Variants in BMPR1A observed in about 807,000 individuals in gnomAD.
BMPR1A encodes the protein bone morphogenetic protein receptor type 1A.
A neutral mutation model predicts 66.0 loss-of-function variants in BMPR1A; 7 were observed. That is an observed-to-expected ratio of 0.11 (90% CI 0.06 to 0.20). The LOEUF is 0.20. Among genes scored for constraint, BMPR1A ranks in the 10% least tolerant of loss-of-function variants. The probability of loss-of-function intolerance (pLI) is 1.00; values close to 1 mark genes in which losing one functional copy is unlikely to be tolerated. For missense variants in BMPR1A, 408 were observed against 669.1 expected, an observed-to-expected ratio of 0.61 and a Z score of 4.31; for synonymous variants, 200 against 229.7, an observed-to-expected ratio of 0.87 and a Z score of 1.17.
At chr10:86,913,157 C>T (rs571559199) in intron 8 of BMPR1A, among the ~76,000 whole-genome samples, 1 of 152,164 alleles carries the variant, frequency 6.6e-6, no homozygotes, top group South Asian at 2.1e-4. Context: ...GATAGTCTTG[C>T]TCTGTCACCC....
At chr10:86,759,400 GTTTT>G (rs1840990856) in intron 1 of BMPR1A, among the ~76,000 whole-genome samples, 1 of 152,030 alleles carries the variant, frequency 6.6e-6, no homozygotes, top group African/African-American at 2.4e-5. Context: ...TCTGAATCAC[GTTTT>G]TTTGTTTGTT....
chr10:86,784,830 C>CT (rs1296689489), intron 1 of BMPR1A, among the ~76,000 whole-genome samples: 3 of 151,934 alleles, frequency 2.0e-5, no homozygotes, highest in African/African-American at 7.2e-5. Context: ...CTTTTCATTT[C>CT]TGTGGCATTT....
At chr10:86,779,265 G>A (rs1841400206) in intron 1 of BMPR1A, among the ~76,000 whole-genome samples, 1 of 152,214 alleles carries the variant, frequency 6.6e-6, no homozygotes, top group African/African-American at 2.4e-5. Flanking sequence ...GTAGTGGAAT[G>A]CTGGATCATA....
intron 1 of BMPR1A, among the ~76,000 whole-genome samples, chr10:86,774,149 C>T (rs1245528639): frequency 6.6e-6 from 1 of 152,040 alleles, no homozygotes; most frequent in Non-Finnish European, 1.5e-5. Context: ...CGCGCCCAGC[C>T]TTTAATTCAT....
chr10:86,795,051 A>G (rs1043442697), intron 1 of BMPR1A, among the ~76,000 whole-genome samples: 6 of 151,820 alleles, frequency 4.0e-5, no homozygotes, highest in Non-Finnish European at 7.4e-5. Flanking sequence ...GGGTTTCTCC[A>G]TGTTGGTCAG....
Position 86,906,459 on chromosome 10 carries a change from C to A in BMPR1A, c.531-5781C>A, listed in dbSNP as rs1322935126. ...TTTTGGCTGGGCGCGGTGGCTCACG[C>A]CTGTAATCCCAGCACTTTGGGAGGC... On this transcript the variant is annotated intron_variant, in intron 7 of 12. Coordinates refer to ENST00000372037, the MANE Select transcript of BMPR1A (RefSeq NM_004329.3). Among the ~76,000 whole-genome samples, 22 of 40,858 alleles carry A rather than the reference C, an allele frequency of 5.4e-4. 7 individuals are homozygous for A. The highest frequency in any genetic ancestry group is 4.1e-3 in the Admixed American group (22 of 5,352). 26.8% of individuals were successfully genotyped at this position (40,858 alleles called of 152,430 possible). A position where few individuals can be genotyped will look rare whatever the true frequency, so the allele number is the denominator to read the frequency against.
Position 86,816,641 on chromosome 10 carries a change from T to G in BMPR1A, c.-267-22224T>G, listed in dbSNP as rs1387555329. Among the ~76,000 whole-genome samples the G allele has an allele frequency of 2.0e-5, 3 of 152,352 alleles. No homozygotes were observed. In the South Asian group the frequency reaches 6.2e-4, roughly 32 times the overall value. On this transcript the variant is annotated intron_variant, in intron 1 of 12. Coordinates refer to ENST00000372037, the MANE Select transcript of BMPR1A (RefSeq NM_004329.3). ...CCACTTGTTTGCAGAGCACTGACAA[T>G]TGGAGTTATACACTTCACCTAGGAG...
At chr10:86,858,162 A>G (rs1306487719) in intron 2 of BMPR1A, among the ~76,000 whole-genome samples, 1 of 152,230 alleles carries the variant, frequency 6.6e-6, no homozygotes, top group Non-Finnish European at 1.5e-5. Context: ...CTCTGTGCTC[A>G]TATCACTAGA....
chr10:86,766,825 GTTT>G (rs1163287108), intron 1 of BMPR1A, among the ~76,000 whole-genome samples: 6 of 134,096 alleles, frequency 4.5e-5, no homozygotes, highest in African/African-American at 1.1e-4. Context: ...AGCCAGGATG[GTTT>G]TTTTTTTTTT....
At chr10:86,815,737 G>A (rs1230359555) in intron 1 of BMPR1A, among the ~76,000 whole-genome samples, 1 of 152,220 alleles carries the variant, frequency 6.6e-6, no homozygotes, top group East Asian at 1.9e-4. Flanking sequence ...GCGGCCAAGT[G>A]CCTACCTGTG....
At position 86,849,453 on chromosome 10, in the gene BMPR1A, T is replaced by C. The variant is rs1246915559; in HGVS notation, c.-153+10474T>C. Among the ~76,000 whole-genome samples the C allele has an allele frequency of 3.9e-5, 6 of 152,248 alleles. No homozygotes were observed. In the East Asian group the frequency reaches 1.2e-3, roughly 29 times the overall value. ...ATCCCATTGCCTAGAATTAATCTTC[T>C]CTTCCCATGTCTTTGGATTTGAACT... On this transcript the variant is annotated intron_variant, in intron 2 of 12. Transcript: ENST00000372037.
At position 86,925,721 on chromosome 10, in the gene BMPR1A, C is replaced by G. The variant is rs10634594; in HGVS notation, c.*2002C>G. 7 of 117,130 alleles carry G rather than the reference C, an allele frequency of 6.0e-5. No homozygotes were observed. The highest frequency in any genetic ancestry group is 1.1e-4 in the Non-Finnish European group (7 of 63,328). The allele number at this position is 117,130 out of a possible 1,614,324, so 7.3% of individuals were successfully genotyped here. On this transcript the variant is annotated 3_prime_UTR_variant, in exon 13 of 13. Transcript: ENST00000372037. ...CATAATCTTTAAAATCATTTGTCAT[C>G]TTTTTTTTTTTTTTTTTGAGACGGA...
intron 1 of BMPR1A, among the ~76,000 whole-genome samples, chr10:86,835,037 C>T (rs1361322148): frequency 2.0e-5 from 3 of 151,880 alleles, no homozygotes; most frequent in East Asian, 3.9e-4. Flanking sequence ...CCACCGAATT[C>T]TAAGAATTCC....
At chr10:86,902,903 G>T (rs1331368047) in intron 7 of BMPR1A, among the ~76,000 whole-genome samples, 1 of 152,202 alleles carries the variant, frequency 6.6e-6, no homozygotes, top group Non-Finnish European at 1.5e-5. Flanking sequence ...AGTAGGATCT[G>T]TTCACACCAG....
At chr10:86,846,763 T>TC (rs1842490768) in intron 2 of BMPR1A, among the ~76,000 whole-genome samples, 2 of 152,236 alleles carry the variant, frequency 1.3e-5, no homozygotes, top group South Asian at 4.1e-4. Context: ...TAGAGAAACC[T>TC]AGAACTCCTG....
rs67035271 is a variant in BMPR1A, at chr10:86,765,989, C to CTTTTTTTTTTTTT, written c.-268+9072_-268+9084dup. Among the ~76,000 whole-genome samples, 509 of 131,576 alleles carry CTTTTTTTTTTTTT rather than the reference C, an allele frequency of 3.9e-3. 3 individuals are homozygous for CTTTTTTTTTTTTT. The highest frequency in any genetic ancestry group is 0.015 in the East Asian group (53 of 3,448). The allele number at this position is 131,576 out of a possible 152,430, so 86.3% of individuals were successfully genotyped here. On this transcript the variant is annotated intron_variant, in intron 1 of 12. Coordinates refer to ENST00000372037, the MANE Select transcript of BMPR1A (RefSeq NM_004329.3). ...GTCAGTAAATTTCAATTTCCTCATTCTTTTTTTTTTTTTTGAGGGAAGGTC... is the reference window on the plus strand; with the variant it reads ...GTCAGTAAATTTCAATTTCCTCATTCTTTTTTTTTTTTTTTTTTTTTTTTTTTGAGGGAAGGTC...
Position 86,892,093 on chromosome 10 carries a change from A to ATGTTT in BMPR1A, c.231-17_231-13dup, listed in dbSNP as rs772231659. The stretch of plus-strand genomic sequence containing the variant: ...TCGTTAGTACTTTCTATGTGAATTT[A>ATGTTT]TGTTTTGTTTTGTTTTGTTTTTTTC... On this transcript the variant is annotated intron_variant, in intron 4 of 12. Transcript: ENST00000372037. 3.4e-5 allele frequency: 52 copies of ATGTTT among 1,536,592 alleles called. 1 individual carries two copies. Among genetic ancestry groups the ATGTTT allele is most frequent in the East Asian group, 1.8e-4 (8 of 44,302 alleles).
intron 1 of BMPR1A, among the ~76,000 whole-genome samples, chr10:86,806,896 G>T (rs957024459): frequency 6.6e-6 from 1 of 151,914 alleles, no homozygotes; most frequent in African/African-American, 2.4e-5. Flanking sequence ...TTTTGATAGC[G>T]GGAGTCTCTT....
chr10:86,786,638 G>C (rs1841522200), intron 1 of BMPR1A, among the ~76,000 whole-genome samples: 1 of 152,134 alleles, frequency 6.6e-6, no homozygotes, highest in Non-Finnish European at 1.5e-5. Context: ...TCATTTCCTT[G>C]TTGATCTTAT....
Sources: allele counts gnomAD v4.1 joint callset (sites outside exome capture counted in the v4.1 genomes callset), GRCh38; gene constraint gnomAD v4.1.1; transcripts MANE v1.5; gene names NCBI Gene and HGNC (gene_info 2026-07-23, HGNC 2026-07-21).